LARP1B: variants seen among roughly 807,000 people sequenced by gnomAD.
LARP1B encodes la-related protein 1B.
Under a neutral mutation model 114.2 loss-of-function variants are expected in LARP1B, and 76 were observed. That is an observed-to-expected ratio of 0.67 (90% CI 0.55 to 0.81). The LOEUF (loss-of-function observed/expected upper bound fraction) is 0.81, where lower values mean the gene tolerates loss of function less well. Ranked by LOEUF, LARP1B falls within the 30% of genes least tolerant of loss-of-function variation. LARP1B has a pLI of 0.00. For missense variants in LARP1B, 1,014 were observed against 1,075.8 expected, an observed-to-expected ratio of 0.94 and a Z score of 0.80; for synonymous variants, 345 against 348.0, an observed-to-expected ratio of 0.99 and a Z score of 0.10.
At chr4:128,099,705 G>A (rs1013066139) in intron 8 of LARP1B, among the ~76,000 whole-genome samples, 1 of 151,272 alleles carries the variant, frequency 6.6e-6, no homozygotes, top group African/African-American at 2.4e-5. Flanking sequence ...TCTTTATAGG[G>A]ATATATATAT....
At chr4:128,126,886 G>A (rs1356938772) in intron 11 of LARP1B, among the ~76,000 whole-genome samples, 1 of 151,018 alleles carries the variant, frequency 6.6e-6, no homozygotes, top group African/African-American at 2.4e-5. Flanking sequence ...TATACATTTA[G>A]TCAGAGTTCC....
At chr4:128,105,418 C>G (rs1174051033) in intron 8 of LARP1B, among the ~76,000 whole-genome samples, 1 of 152,120 alleles carries the variant, frequency 6.6e-6, no homozygotes, top group Non-Finnish European at 1.5e-5. Flanking sequence ...ACTGGGGTGT[C>G]ATTGCTTCTA....
At chr4:128,143,692 GTA>G (rs1395952916) in intron 11 of LARP1B, among the ~76,000 whole-genome samples, 3 of 152,076 alleles carry the variant, frequency 2.0e-5, no homozygotes, top group Non-Finnish European at 4.4e-5. Flanking sequence ...AGAAATATGA[GTA>G]TGATACATTC....
rs1367006391 is a variant in LARP1B at position 128,074,535 on chromosome 4, A to C, written c.-19+17A>C. ...TCCAACAAGGTATGTCTTCATAGGA[A>C]ATAGTTCTTAACTGTATTGATTTTT... On this transcript the variant is annotated intron_variant, in intron 2 of 19. Transcript: ENST00000326639. 4.7e-6 allele frequency: 4 copies of C among 844,802 alleles called. No individual in the cohort carries two copies. The highest frequency in any genetic ancestry group is 3.7e-5 in the African/African-American group (2 of 54,702). 52.3% of individuals were successfully genotyped at this position (844,802 alleles called of 1,614,324 possible).
chr4:128,091,296 CTA>C, intron 6 of LARP1B, 49 bp from the exon 7 acceptor site: 3 of 1,535,338 alleles, frequency 2.0e-6, no homozygotes, highest in Non-Finnish European at 2.7e-6. Flanking sequence ...TCCGTAGTAA[CTA>C]TTTTTTTCTA....
rs2306054 is a variant in LARP1B at position 128,091,026 on chromosome 4, G to A, written c.384G>A (p.Arg128=). The A allele has an allele frequency of 0.65, 1,048,297 of 1,609,182 alleles. 344,483 individuals are homozygous for A. Among genetic ancestry groups the A allele is most frequent in the Middle Eastern group, 0.83 (5,037 of 6,048 alleles). Residue 128 remains arginine, a synonymous_variant, in exon 6 of 20, where the codon AGG becomes AGA. Coordinates refer to ENST00000326639, the MANE Select transcript of LARP1B (RefSeq NM_018078.4). Reference sequence around the variant, plus strand: ...GTTGGAAGCGAGATAGAGAAAAAAGGGATGATCAAGATGACGTTTCCAGTG... The same window carrying A: ...GTTGGAAGCGAGATAGAGAAAAAAGAGATGATCAAGATGACGTTTCCAGTG... ...TRSWKRDREK[R]DDQDDVSSVR...
rs183954075 is a variant in LARP1B at position 128,084,540 on chromosome 4, A to T, written c.358+2235A>T. ...CTCGGCAGGCTGAGGCAGGAGAATC[A>T]GGCAGGGAGGTTGCAGTGAGCCGAG... On this transcript the variant is annotated intron_variant, in intron 5 of 19. Coordinates refer to ENST00000326639, the MANE Select transcript of LARP1B (RefSeq NM_018078.4). Among the ~76,000 whole-genome samples the T allele has an allele frequency of 6.2e-3, 948 of 151,992 alleles. 12 individuals carry two copies. The highest frequency in any genetic ancestry group is 0.022 in the African/African-American group (897 of 41,494).
intron 1 of LARP1B, among the ~76,000 whole-genome samples, chr4:128,062,945 G>A (rs1411982726): frequency 6.6e-6 from 1 of 152,146 alleles, no homozygotes; most frequent in African/African-American, 2.4e-5. Flanking sequence ...AGTTATAAGT[G>A]TGCTGGAAAA....
intron 8 of LARP1B, among the ~76,000 whole-genome samples, chr4:128,099,334 A>G (rs1005963006): frequency 1.5e-5 from 2 of 135,416 alleles, no homozygotes; most frequent in Non-Finnish European, 3.1e-5. Flanking sequence ...GTTGCCCAGT[A>G]TGGAGTGCAG....
intron 9 of LARP1B, among the ~76,000 whole-genome samples, chr4:128,113,323 A>AT (rs940654134): frequency 6.8e-6 from 1 of 147,244 alleles, no homozygotes; most frequent in Non-Finnish European, 1.5e-5. Flanking sequence ...AAGCCATTTG[A>AT]TTTTTTTTCT....
At chr4:128,083,643 CGGACG>C (rs1561114434) in intron 5 of LARP1B, among the ~76,000 whole-genome samples, 4 of 135,662 alleles carry the variant, frequency 2.9e-5, no homozygotes, top group Non-Finnish European at 6.5e-5. Flanking sequence ...ACCTCCCTCC[CGGACG>C]GGGCGGCTGG....
At chr4:128,076,089 C>T (rs1231512474) in intron 3 of LARP1B, among the ~76,000 whole-genome samples, 1 of 152,078 alleles carries the variant, frequency 6.6e-6, no homozygotes, top group Non-Finnish European at 1.5e-5. Flanking sequence ...TTTCAGCTCA[C>T]TGCAACCTCC....
At chr4:128,175,648 C>T (rs1745535065) in intron 12 of LARP1B, among the ~76,000 whole-genome samples, 1 of 151,998 alleles carries the variant, frequency 6.6e-6, no homozygotes, top group African/African-American at 2.4e-5. Flanking sequence ...TGAGTTGGTG[C>T]CCTAGGACAC....
chr4:128,061,426 C>T (rs1190955785), intron 1 of LARP1B, 25 bp downstream of exon 1: 2 of 154,466 alleles, frequency 1.3e-5, no homozygotes, highest in African/African-American at 2.4e-5. Context: ...CTCCCGGCTG[C>T]GGCTCCCGGC....
At chr4:128,125,322 A>G (rs1789206741) in intron 11 of LARP1B, among the ~76,000 whole-genome samples, 1 of 152,198 alleles carries the variant, frequency 6.6e-6, no homozygotes. Flanking sequence ...TCACTACTAA[A>G]TAACTTACTC....
intron 5 of LARP1B, among the ~76,000 whole-genome samples, chr4:128,087,844 G>T (rs534765037): frequency 1.3e-4 from 20 of 151,778 alleles, no homozygotes; most frequent in East Asian, 3.9e-4. Context: ...ATACATGTGT[G>T]GGGGGGAGCA....
At chr4:128,121,754 A>G in intron 10 of LARP1B, 72 bp from the exon 11 acceptor site, 1 of 1,099,836 alleles carries the variant, frequency 9.1e-7, no homozygotes, top group Non-Finnish European at 1.3e-6. Context: ...CTTACTTGTA[A>G]CACTGTTTTA....
chr4:128,132,298 G>A (rs1791806451), intron 11 of LARP1B, among the ~76,000 whole-genome samples: 1 of 152,110 alleles, frequency 6.6e-6, no homozygotes, highest in African/African-American at 2.4e-5. Flanking sequence ...TGGCTGGAGT[G>A]CAGTGGCGCG....
intron 16 of LARP1B, among the ~76,000 whole-genome samples, chr4:128,200,288 C>T (rs1028355403): frequency 1.3e-5 from 2 of 152,100 alleles, no homozygotes; most frequent in African/African-American, 4.8e-5. Flanking sequence ...CTCAGATCAT[C>T]AGGCATTAGA....
Sources: gnomAD v4.1 joint callset for allele counts (sites outside exome capture counted in the v4.1 genomes callset) on GRCh38, gnomAD v4.1.1 for gene constraint, MANE v1.5 for transcripts, NCBI Gene and HGNC (gene_info 2026-07-23, HGNC 2026-07-21) for gene names.